BCHE: variants seen among roughly 807,000 people sequenced by gnomAD.
The protein encoded by BCHE is butyrylcholinesterase, also known as cholinesterase.
Under a neutral mutation model 51.3 loss-of-function variants are expected in BCHE, and 48 were observed. That is an observed-to-expected ratio of 0.94 (90% CI 0.74 to 1.19). The LOEUF is 1.19. BCHE is among the 50% of genes most tolerant of loss of function. The pLI is 0.00. For synonymous variants in BCHE, 251 were observed against 238.0 expected (o/e 1.05, Z -0.50); for missense variants, 847 against 708.2 (o/e 1.20, Z -2.23).
chr3:165,783,695 T>G (rs1271886880), intron 3 of BCHE, among the ~76,000 whole-genome samples: 1 of 152,110 alleles, frequency 6.6e-6, no homozygotes, highest in Non-Finnish European at 1.5e-5. Flanking sequence ...TTCTGTTCTT[T>G]AAATAAATTT....
At chr3:165,786,376 T>C (rs1379049754) in intron 2 of BCHE, 65 bp from the exon 3 acceptor site, 2 of 1,417,666 alleles carry the variant, frequency 1.4e-6, no homozygotes, top group East Asian at 2.5e-5. Flanking sequence ...AAGAATATTG[T>C]TTTCTAACAC....
At chr3:165,788,498 G>A (rs1269902694) in intron 2 of BCHE, among the ~76,000 whole-genome samples, 1 of 152,074 alleles carries the variant, frequency 6.6e-6, no homozygotes, top group Non-Finnish European at 1.5e-5. Flanking sequence ...CAATTGTCTA[G>A]GTAAATTATG....
intron 2 of BCHE, among the ~76,000 whole-genome samples, chr3:165,813,000 T>G (rs909941548): frequency 8.5e-5 from 13 of 152,134 alleles, no homozygotes; most frequent in African/African-American, 3.1e-4. Flanking sequence ...TTTTACATTT[T>G]TCTAATTACT....
At chr3:165,783,576 C>T (rs1282890779) in intron 3 of BCHE, among the ~76,000 whole-genome samples, 2 of 151,906 alleles carry the variant, frequency 1.3e-5, no homozygotes, top group Non-Finnish European at 2.9e-5. Flanking sequence ...GTATTTTGGC[C>T]CTTAAATTTA....
At chr3:165,806,121 G>A (rs1713855398) in intron 2 of BCHE, among the ~76,000 whole-genome samples, 1 of 151,708 alleles carries the variant, frequency 6.6e-6, no homozygotes, top group Non-Finnish European at 1.5e-5. Flanking sequence ...AAATTTGATA[G>A]CATTCTCCCC....
chr3:165,813,969 C>T (rs534835794), intron 2 of BCHE, among the ~76,000 whole-genome samples: 1 of 151,942 alleles, frequency 6.6e-6, no homozygotes, highest in South Asian at 2.1e-4. Context: ...ATGGAGAAAG[C>T]AAGATTAGGA....
At chr3:165,832,015 A>G (rs897394263) in intron 1 of BCHE, among the ~76,000 whole-genome samples, 13 of 152,184 alleles carry the variant, frequency 8.5e-5, no homozygotes, top group Admixed American at 8.5e-4. Flanking sequence ...CATTTTTTAT[A>G]ATGAAAAAAA....
intron 2 of BCHE, among the ~76,000 whole-genome samples, chr3:165,814,941 T>C (rs2108224544): frequency 6.7e-6 from 1 of 148,832 alleles, no homozygotes; most frequent in African/African-American, 2.4e-5. Flanking sequence ...CTTATACTAA[T>C]ATTTAATTAT....
chr3:165,779,431 C>T (rs891381206), intron 3 of BCHE, among the ~76,000 whole-genome samples: 14 of 151,962 alleles, frequency 9.2e-5, no homozygotes, highest in Non-Finnish European at 1.6e-4. Context: ...GGCAATCAGA[C>T]AAGAGAAAGA....
At chr3:165,814,606 C>A (rs1185260776) in intron 2 of BCHE, among the ~76,000 whole-genome samples, 1 of 151,986 alleles carries the variant, frequency 6.6e-6, no homozygotes, top group Admixed American at 6.6e-5. Flanking sequence ...TCCCTAGAGT[C>A]CCCATTTTCC....
chr3:165,829,445 C>T (rs1714859363), intron 2 of BCHE, 72 bp downstream of exon 2: 1 of 1,292,796 alleles, frequency 7.7e-7, no homozygotes, highest in East Asian at 2.3e-5. Flanking sequence ...AAAGTCTACC[C>T]CAGAGACCAA....
At chr3:165,792,913 T>A (rs577381606) in intron 2 of BCHE, among the ~76,000 whole-genome samples, 1 of 152,330 alleles carries the variant, frequency 6.6e-6, no homozygotes, top group South Asian at 2.1e-4. Flanking sequence ...TTGTTTCATC[T>A]TACTTTTCCT....
intron 2 of BCHE, among the ~76,000 whole-genome samples, chr3:165,823,076 C>G (rs960979622): frequency 6.6e-6 from 1 of 151,910 alleles, no homozygotes; most frequent in African/African-American, 2.4e-5. Context: ...AGAGGAAGAA[C>G]AAAACGAAGT....
chr3:165,827,876 T>C, intron 2 of BCHE: 1 of 324,300 alleles, frequency 3.1e-6, no homozygotes, highest in Non-Finnish European at 6.0e-6. Flanking sequence ...CTACGGGTAA[T>C]ATAATAACCC....
chr3:165,802,872 G>A (rs1009741370), intron 2 of BCHE, among the ~76,000 whole-genome samples: 1 of 151,972 alleles, frequency 6.6e-6, no homozygotes, highest in Non-Finnish European at 1.5e-5. Context: ...CTCCTGAGTA[G>A]CTGGGACTAC....
At chr3:165,806,606 C>T (rs182379488) in intron 2 of BCHE, among the ~76,000 whole-genome samples, 24 of 152,170 alleles carry the variant, frequency 1.6e-4, no homozygotes, top group African/African-American at 5.3e-4. Context: ...GTAAATCATA[C>T]AGATGTGAGG....
intron 2 of BCHE, among the ~76,000 whole-genome samples, chr3:165,815,838 A>C (rs1443003332): frequency 6.6e-6 from 1 of 152,082 alleles, no homozygotes; most frequent in Non-Finnish European, 1.5e-5. Flanking sequence ...AGCAGCACGT[A>C]CATGTTTTGT....
chr3:165,830,193 A>T lies in BCHE; in HGVS notation c.841T>A (p.Ser281Thr), dbSNP rs1212922264. 1 of 1,613,858 alleles carries T rather than the reference A, an allele frequency of 6.2e-7. No homozygotes were observed. The highest frequency in any genetic ancestry group is 8.5e-7 in the Non-Finnish European group (1 of 1,179,924). The change falls in exon 2 of 4, where the codon TCT becomes ACT. Residue 281 changes from serine to threonine, a missense_variant. Ser to Thr is a moderately conservative substitution (Grantham distance 58). Transcript: ENST00000264381. The stretch of plus-strand genomic sequence containing the variant: ...ATTATTTCAGTCTCATTCTCTCTAG[A>T]GCAACCAGTCAATTTAGCTAAGTTC... ...TLNLAKLTGC[S>T]RENETEIIKC... is the part of the protein sequence containing the mutation.
intron 3 of BCHE, among the ~76,000 whole-genome samples, chr3:165,780,849 GTGGC>G (rs1712668849): frequency 3.9e-5 from 6 of 152,168 alleles, no homozygotes; most frequent in Non-Finnish European, 8.8e-5. Context: ...GGAAGACAGT[GTGGC>G]AATGCCTCAA....
Sources: gnomAD v4.1 joint callset for allele counts (sites outside exome capture counted in the v4.1 genomes callset) on GRCh38, gnomAD v4.1.1 for gene constraint, MANE v1.5 for transcripts, NCBI Gene and HGNC (gene_info 2026-07-23, HGNC 2026-07-21) for gene names.